SCUBE2: variants seen among roughly 807,000 people sequenced by gnomAD.
SCUBE2 encodes signal peptide, CUB domain and EGF like domain containing 2, also known as signal peptide, CUB and EGF-like domain-containing protein 2.
Under a neutral mutation model 125.9 loss-of-function variants are expected in SCUBE2, and 114 were observed. The ratio of observed to expected loss-of-function variants is 0.91; its 90% CI spans 0.78 to 1.06. SCUBE2 has a LOEUF of 1.06. Among genes scored for constraint, SCUBE2 ranks in the 50% least tolerant of loss-of-function variants. The pLI is 0.00. For synonymous variants in SCUBE2, 459 were observed against 492.9 expected, an observed-to-expected ratio of 0.93 and a Z score of 0.91; for missense variants, 1,255 against 1,301.8, an observed-to-expected ratio of 0.96 and a Z score of 0.55.
chr11:9,034,540 A>G (rs936161762), intron 16 of SCUBE2, among the ~76,000 whole-genome samples: 15 of 152,148 alleles, frequency 9.9e-5, no homozygotes, highest in Non-Finnish European at 1.3e-4. Flanking sequence ...CATAGTGAAA[A>G]TGAGACCCCT....
intron 2 of SCUBE2, among the ~76,000 whole-genome samples, chr11:9,087,865 C>T (rs574722219): frequency 1.3e-5 from 2 of 152,194 alleles, no homozygotes; most frequent in Non-Finnish European, 2.9e-5. Context: ...ATTGCTACAA[C>T]ACTGCAAAAG....
chr11:9,044,723 G>T (rs1442402740), intron 16 of SCUBE2, among the ~76,000 whole-genome samples: 1 of 151,982 alleles, frequency 6.6e-6, no homozygotes, highest in African/African-American at 2.4e-5. Context: ...CTCTGCCCTT[G>T]CTCTCCCTCC....
chr11:9,048,423 A>G (rs920598122), intron 14 of SCUBE2, among the ~76,000 whole-genome samples: 2 of 152,330 alleles, frequency 1.3e-5, no homozygotes, highest in South Asian at 2.1e-4. Flanking sequence ...ACGGTTTGCT[A>G]ACGTGTGCTT....
At chr11:9,046,001 CTTTT>C (rs58572754) in intron 16 of SCUBE2, among the ~76,000 whole-genome samples, 6 of 92,042 alleles carry the variant, frequency 6.5e-5, no homozygotes, top group East Asian at 3.2e-4. Context: ...GTCTTTCTTT[CTTTT>C]TTTTTTTTTT....
At chr11:9,075,269 T>C (rs944541682) in intron 3 of SCUBE2, among the ~76,000 whole-genome samples, 5 of 147,548 alleles carry the variant, frequency 3.4e-5, no homozygotes, top group South Asian at 2.1e-4. Context: ...GAGACAAATA[T>C]ACAAATGATT....
chr11:9,035,991 C>T (rs187765639), intron 16 of SCUBE2, among the ~76,000 whole-genome samples: 17 of 152,234 alleles, frequency 1.1e-4, no homozygotes, highest in African/African-American at 2.6e-4. Flanking sequence ...TGGGTTCAAG[C>T]GATTCTCCCA....
At chr11:9,033,533 G>A in intron 17 of SCUBE2, 93 bp downstream of exon 17, 1 of 1,423,428 alleles carries the variant, frequency 7.0e-7, no homozygotes, top group Non-Finnish European at 9.6e-7. Context: ...AGCCCCGGGT[G>A]AGTGTGCATT....
chr11:9,090,022 G>T (rs910187701), intron 1 of SCUBE2, among the ~76,000 whole-genome samples, 193 bp from the exon 2 acceptor site: 1 of 152,028 alleles, frequency 6.6e-6, no homozygotes, highest in African/African-American at 2.4e-5. Context: ...CACTCTACGT[G>T]AAATTACCCC....
At chr11:9,053,002 G>A in intron 12 of SCUBE2, 97 bp downstream of exon 12, 1 of 1,157,226 alleles carries the variant, frequency 8.6e-7, no homozygotes, top group Non-Finnish European at 1.3e-6. Flanking sequence ...GCATCTGGCG[G>A]AGGACCTGGA....
chr11:9,059,618 C>A, intron 8 of SCUBE2, 193 bp from the exon 9 acceptor site: 1 of 698,622 alleles, frequency 1.4e-6, no homozygotes, highest in African/African-American at 1.8e-5. Context: ...TTTTGAAAGA[C>A]AAGTGTTTCA....
chr11:9,072,487 T>C (rs928853217), intron 4 of SCUBE2, among the ~76,000 whole-genome samples: 1 of 152,178 alleles, frequency 6.6e-6, no homozygotes, highest in Non-Finnish European at 1.5e-5. Flanking sequence ...GGATTACAGG[T>C]GTGAGCCACC....
intron 16 of SCUBE2, among the ~76,000 whole-genome samples, chr11:9,034,651 G>C (rs1477689954): frequency 6.6e-6 from 1 of 152,074 alleles, no homozygotes. Context: ...GTGATCTCAA[G>C]ACCCTTACAA....
rs369076752 is a variant in SCUBE2 at position 9,079,400 on chromosome 11, G to A, written c.366C>T (p.Asp122=). The A allele has an allele frequency of 2.4e-5, 38 of 1,613,944 alleles. No individual in the cohort carries two copies. The highest frequency in any genetic ancestry group is 6.6e-5 in the South Asian group (6 of 91,066). The change falls in exon 3 of 23, where the codon GAC becomes GAT. Residue 122 remains aspartate (D), a synonymous_variant. Coordinates refer to ENST00000649792, the MANE Select transcript of SCUBE2 (RefSeq NM_001367977.2). ...CTTCCTTACCAAGACAATTATGACC[G>A]TCATGAGCCAACATGAAGCCATCAA... The part of the protein sequence containing the change: ...TCFDGFMLAH[D]GHNCLDVDEC...
At chr11:9,075,595 C>T (rs992318169) in intron 3 of SCUBE2, among the ~76,000 whole-genome samples, 1 of 152,150 alleles carries the variant, frequency 6.6e-6, no homozygotes, top group Non-Finnish European at 1.5e-5. Flanking sequence ...CAATGAAGTG[C>T]CTACTTAATT....
At chr11:9,072,349 G>T (rs1024506801) in intron 4 of SCUBE2, among the ~76,000 whole-genome samples, 7 of 152,058 alleles carry the variant, frequency 4.6e-5, no homozygotes, top group Non-Finnish European at 8.8e-5. Flanking sequence ...GCTGGGACTA[G>T]AGGCGCCCAC....
rs117414763 is a variant in SCUBE2, at chr11:9,068,774, T to G, written c.643+596A>C. Among the ~76,000 whole-genome samples, 919 of 152,344 alleles carry G rather than the reference T, an allele frequency of 6.0e-3. 5 individuals carry two copies. Among genetic ancestry groups the G allele is most frequent in the Middle Eastern group, 0.014 (4 of 294 alleles). ...GAGTGTAATAATACTGAGCTCACAG[T>G]GCAGTGCTTGTAAGAATTAAATGGG... On this transcript the variant is annotated intron_variant, in intron 5 of 22. Transcript: ENST00000649792.
At chr11:9,024,236 C>T (rs1234817166) in intron 21 of SCUBE2, 3 of 1,091,310 alleles carry the variant, frequency 2.7e-6, no homozygotes, top group Non-Finnish European at 3.4e-6. Context: ...ATTTTGAAGT[C>T]TCAGTGTCTT....
At chr11:9,070,966 A>G (rs2135780478) in intron 4 of SCUBE2, among the ~76,000 whole-genome samples, 1 of 152,334 alleles carries the variant, frequency 6.6e-6, no homozygotes, top group Middle Eastern at 3.4e-3. Context: ...TAACACAGAA[A>G]GAGACTTGCA....
Position 9,065,940 on chromosome 11 carries a change from G to T in SCUBE2, c.801C>A (p.Thr267=). 1.2e-6 allele frequency: 2 copies of T among 1,614,166 alleles called. No individual in the cohort carries two copies. The highest frequency in any genetic ancestry group is 2.2e-5 in the South Asian group (2 of 91,080). Residue 267 remains threonine (T), a synonymous_variant, in exon 7 of 23, where the codon ACC becomes ACA. Coordinates refer to ENST00000649792, the MANE Select transcript of SCUBE2 (RefSeq NM_001367977.2). ...DTVLEVTESN[T]TSVVDGDKRV... ...GTTTATCCCCATCCACCACTGATGT[G>T]GTGTTGCTCTCTGTCACCTCCAGGA...
Sources: allele counts gnomAD v4.1 joint callset (sites outside exome capture counted in the v4.1 genomes callset), GRCh38; gene constraint gnomAD v4.1.1; transcripts MANE v1.5; gene names NCBI Gene and HGNC (gene_info 2026-07-23, HGNC 2026-07-21).